PREX2: variants seen among roughly 807,000 people sequenced by gnomAD.
The protein encoded by PREX2 is phosphatidylinositol-3,4,5-trisphosphate dependent Rac exchange factor 2, also known as phosphatidylinositol 3,4,5-trisphosphate-dependent Rac exchanger 2 protein.
Under a neutral mutation model 203.2 loss-of-function variants are expected in PREX2, and 107 were observed. The ratio of observed to expected loss-of-function variants is 0.53; its 90% CI spans 0.45 to 0.62. The LOEUF is 0.62. Ranked by LOEUF, PREX2 falls within the 20% of genes least tolerant of loss-of-function variation. PREX2 has a pLI of 0.00. For synonymous variants in PREX2, 672 were observed against 663.6 expected (o/e 1.01, Z -0.19); for missense variants, 1,777 against 1,955.9 (o/e 0.91, Z 1.72).
In PREX2 at chr8:68,019,571, A is replaced by G. The variant is rs141717382; in HGVS notation, c.236A>G (p.Asp79Gly). 16 of 1,611,640 alleles carry G rather than the reference A, an allele frequency of 9.9e-6. No homozygotes were observed. In the African/African-American group the frequency reaches 1.9e-4, roughly 19 times the overall value. ...CAGATGTTGTTCTCAAACATTGAAG[A>G]CATCCTTGCAGTACATAAAGAATTC... The part of the protein sequence containing the change: ...TVKMLFSNIE[D>G]ILAVHKEFLK... The change falls in exon 3 of 40, where the codon GAC (aspartate) becomes GGC (glycine). Residue 79 changes from aspartate to glycine, a missense_variant. Coordinates refer to ENST00000288368, the MANE Select transcript of PREX2 (RefSeq NM_024870.4).
chr8:68,120,812 C>G (rs1424569742), intron 29 of PREX2, 109 bp from the exon 30 acceptor site: 1 of 844,528 alleles, frequency 1.2e-6, no homozygotes, highest in African/African-American at 1.8e-5. Flanking sequence ...GAAATGACCA[C>G]CATGTCAATA....
chr8:68,134,238 G>T lies in PREX2; in HGVS notation c.3946G>T (p.Val1316Phe), dbSNP rs751412933. ...RWLDQIANAG[V>F]LFHFQSLLSP... ...GCTGGACCAGATAGCGAATGCAGGT[G>T]TTCTTTTTCACTTTCAGTCACTTCT... is the stretch of plus-strand genomic sequence containing the variant. The change falls in exon 32 of 40, where the codon GTT becomes TTT. Residue 1316 changes from valine (V) to phenylalanine (F), a missense_variant. Coordinates refer to ENST00000288368, the MANE Select transcript of PREX2 (RefSeq NM_024870.4). 1 of 1,614,104 alleles carries T rather than the reference G, an allele frequency of 6.2e-7. No individual in the cohort carries two copies. Among genetic ancestry groups the T allele is most frequent in the East Asian group, 2.2e-5 (1 of 44,874 alleles).
chr8:68,058,173 G>A (rs1345482695), intron 10 of PREX2, among the ~76,000 whole-genome samples: 1 of 152,062 alleles, frequency 6.6e-6, no homozygotes, highest in Admixed American at 6.5e-5. Context: ...CCACTCATTG[G>A]GTTCCTTTAT....
At chr8:68,175,853 A>G (rs1811968768) in intron 35 of PREX2, among the ~76,000 whole-genome samples, 1 of 151,954 alleles carries the variant, frequency 6.6e-6, no homozygotes, top group Non-Finnish European at 1.5e-5. Context: ...TAACTGTATA[A>G]TGATAAATAT....
At chr8:68,087,987 G>T (rs1481693121) in intron 19 of PREX2, among the ~76,000 whole-genome samples, 178 bp downstream of exon 19, 5 of 151,872 alleles carry the variant, frequency 3.3e-5, no homozygotes, top group Non-Finnish European at 7.4e-5. Flanking sequence ...AAAATTCTAA[G>T]CCATATTTAT....
At chr8:68,208,846 T>G (rs1343882452) in intron 37 of PREX2, among the ~76,000 whole-genome samples, 3 of 151,966 alleles carry the variant, frequency 2.0e-5, no homozygotes, top group Non-Finnish European at 4.4e-5. Context: ...CCCAGCACTT[T>G]GCGAGGCTAA....
chr8:68,120,998 C>G lies in PREX2; in HGVS notation c.3673C>G (p.Leu1225Val). 1 of 1,613,832 alleles carries G rather than the reference C, an allele frequency of 6.2e-7. No homozygotes were observed. Among genetic ancestry groups the G allele is most frequent in the Non-Finnish European group, 8.5e-7 (1 of 1,179,782 alleles). ...RLHIKQDPWN[L>V]PSSVRTLAQN... The stretch of plus-strand genomic sequence containing the variant: ...TCATATCAAGCAAGATCCTTGGAAT[C>G]TTCCCAGCAGCGTCCGGACTCTTGC... Residue 1225 changes from leucine (L) to valine (V), a missense_variant, in exon 30 of 40, where the codon CTT (leucine) becomes GTT (valine). By Grantham distance (32) the Leu-to-Val change is conservative (BLOSUM62 1). Transcript: ENST00000288368.
chr8:67,979,778 A>G (rs930667683), intron 1 of PREX2, among the ~76,000 whole-genome samples: 1 of 151,652 alleles, frequency 6.6e-6, no homozygotes, highest in Non-Finnish European at 1.5e-5. Flanking sequence ...GCATGCTTTT[A>G]AAAAAAATAC....
intron 35 of PREX2, among the ~76,000 whole-genome samples, chr8:68,169,366 A>G (rs909240140): frequency 1.3e-5 from 2 of 152,018 alleles, no homozygotes; most frequent in Admixed American, 1.3e-4. Flanking sequence ...AGCAAAGTCA[A>G]TGAATTTCAC....
At chr8:68,021,546 AT>A (rs1379980231) in intron 3 of PREX2, among the ~76,000 whole-genome samples, 1 of 151,974 alleles carries the variant, frequency 6.6e-6, no homozygotes, top group African/African-American at 2.4e-5. Flanking sequence ...GTGTTTCTCT[AT>A]TTCTATATGA....
In PREX2 at chr8:68,146,259, T is replaced by C; in HGVS notation, c.4138T>C (p.Tyr1380His). ...AEGSRQALKV[Y>H]FYIDSYHFEQ... is the part of the protein sequence containing the mutation. ...AGGAAGTCGGCAAGCTCTGAAAGTT[T>C]ACTTCTACATTGATAGTTATCATTT... Residue 1380 changes from tyrosine (Y) to histidine (H), a missense_variant, in exon 34 of 40, where the codon TAC becomes CAC. Transcript: ENST00000288368. 1.2e-6 allele frequency: 2 copies of C among 1,612,246 alleles called. No homozygotes were observed. Among genetic ancestry groups the C allele is most frequent in the Non-Finnish European group, 1.7e-6 (2 of 1,178,966 alleles).
rs368482572 is a variant in PREX2 at position 68,019,531 on chromosome 8, A to G, written c.214-18A>G. The G allele has an allele frequency of 3.6e-5, 58 of 1,597,182 alleles. No individual in the cohort carries two copies. The African/African-American group carries it at 6.5e-4, about 18-fold the overall frequency. On this transcript the variant is annotated intron_variant, in intron 2 of 39. Coordinates refer to ENST00000288368, the MANE Select transcript of PREX2 (RefSeq NM_024870.4). ...TTGCTTCACTACTGAGCTTACTTAC[A>G]CATTTGTTTATTTACAGATGTTGTT...
intron 1 of PREX2, among the ~76,000 whole-genome samples, chr8:67,982,358 A>G (rs1253932284): frequency 1.3e-5 from 2 of 152,042 alleles, no homozygotes; most frequent in Non-Finnish European, 2.9e-5. Context: ...GGAGGTTGAG[A>G]CTGCAGTGAG....
intron 29 of PREX2, 106 bp from the exon 30 acceptor site, chr8:68,120,815 T>C (rs1039710049): frequency 7.8e-6 from 7 of 902,458 alleles, no homozygotes; most frequent in Middle Eastern, 4.8e-4. Flanking sequence ...ATGACCACCA[T>C]GTCAATAGTC....
intron 11 of PREX2, among the ~76,000 whole-genome samples, chr8:68,065,222 G>C (rs772922897): frequency 2.0e-5 from 3 of 152,144 alleles, no homozygotes; most frequent in Non-Finnish European, 4.4e-5. Context: ...ACTACCACTT[G>C]TTTCATTGTG....
intron 1 of PREX2, among the ~76,000 whole-genome samples, chr8:68,000,920 C>G (rs1423679624): frequency 6.6e-6 from 1 of 152,190 alleles, no homozygotes; most frequent in African/African-American, 2.4e-5. Context: ...AAACTAGATC[C>G]CTTCCTTACA....
At chr8:68,227,994 A>C (rs1039231471) in intron 39 of PREX2, among the ~76,000 whole-genome samples, 4 of 152,178 alleles carry the variant, frequency 2.6e-5, no homozygotes, top group Non-Finnish European at 4.4e-5. Flanking sequence ...TGCTTCATGC[A>C]CACAAAGAGC....
In PREX2 at chr8:68,235,427, C is replaced by T. The variant is rs941671475; in HGVS notation, c.*4049C>T. On this transcript the variant is annotated 3_prime_UTR_variant, in exon 40 of 40. Transcript: ENST00000288368. ...CTAAATTATCACTTAAGAACTCTCT[C>T]ATAGCAGTAATTTCATTAACACATA... is the stretch of plus-strand genomic sequence containing the variant. 5 of 152,148 alleles carry T rather than the reference C, an allele frequency of 3.3e-5. No individual in the cohort carries two copies. The highest frequency in any genetic ancestry group is 4.4e-5 in the Non-Finnish European group (3 of 68,026). 9.4% of individuals were successfully genotyped at this position (152,148 alleles called of 1,614,324 possible).
intron 33 of PREX2, among the ~76,000 whole-genome samples, chr8:68,139,703 A>G (rs1449936058): frequency 6.6e-6 from 1 of 152,202 alleles, no homozygotes; most frequent in Non-Finnish European, 1.5e-5. Flanking sequence ...AAAATAAAGC[A>G]ATGTCAATGC....
Sources: gnomAD v4.1 joint callset for allele counts (sites outside exome capture counted in the v4.1 genomes callset) on GRCh38, gnomAD v4.1.1 for gene constraint, MANE v1.5 for transcripts, NCBI Gene and HGNC (gene_info 2026-07-23, HGNC 2026-07-21) for gene names.